The following CDKL4 variants were observed in gnomAD, a reference collection of about 807,000 sequenced individuals.
The protein encoded by CDKL4 is cyclin-dependent kinase-like 4.
In CDKL4, 44 loss-of-function variants were observed where a neutral mutation model predicts 42.0. The observed-to-expected ratio is 1.05, with a 90% confidence interval of 0.82 to 1.35. The LOEUF is 1.35. Among genes scored for constraint, CDKL4 ranks in the 40% most tolerant of loss-of-function variants. CDKL4 has a pLI of 0.00. For synonymous variants in CDKL4, 120 were observed against 121.6 expected (o/e 0.99, Z 0.09); for missense variants, 393 against 369.9 (o/e 1.06, Z -0.51).
At chr2:39,210,584 A>G (rs989274651) in intron 4 of CDKL4, among the ~76,000 whole-genome samples, 12 of 152,228 alleles carry the variant, frequency 7.9e-5, no homozygotes, top group African/African-American at 2.9e-4. Context: ...AGAGATACAA[A>G]GATAAAGCAG....
chr2:39,210,123 T>C (rs1677502656), intron 4 of CDKL4, among the ~76,000 whole-genome samples: 2 of 152,068 alleles, frequency 1.3e-5, no homozygotes, highest in Admixed American at 6.5e-5. Flanking sequence ...GAGTAGTAGC[T>C]GGGATTACAG....
intron 1 of CDKL4, among the ~76,000 whole-genome samples, chr2:39,232,566 A>G (rs922533319): frequency 6.6e-6 from 1 of 152,182 alleles, no homozygotes; most frequent in Non-Finnish European, 1.5e-5. Context: ...GTTATGCCTA[A>G]ATGGCTTGTC....
At chr2:39,223,447 G>A (rs1477068040) in intron 3 of CDKL4, among the ~76,000 whole-genome samples, 1 of 151,878 alleles carries the variant, frequency 6.6e-6, no homozygotes, top group Non-Finnish European at 1.5e-5. Flanking sequence ...GATAAGACTG[G>A]GTATAATAAT....
intron 5 of CDKL4, among the ~76,000 whole-genome samples, chr2:39,193,962 G>A (rs936303248): frequency 6.6e-5 from 10 of 151,986 alleles, no homozygotes; most frequent in African/African-American, 2.2e-4. Flanking sequence ...TGAATGACTG[G>A]GTTCCTCTTA....
intron 4 of CDKL4, among the ~76,000 whole-genome samples, chr2:39,207,384 CA>C (rs879807671): frequency 6.8e-5 from 10 of 147,104 alleles, no homozygotes; most frequent in Admixed American, 4.1e-4. Flanking sequence ...GACCCTGTCT[CA>C]AAAAAAAAAA....
intron 3 of CDKL4, among the ~76,000 whole-genome samples, chr2:39,219,435 T>A (rs142597125): frequency 2.5e-5 from 2 of 80,572 alleles, no homozygotes; most frequent in Non-Finnish European, 6.7e-5. Flanking sequence ...TTATTTATTT[T>A]TTTGAGACAG....
rs554996125 is a variant in CDKL4, at chr2:39,183,196, C to G, written c.792+1395G>C. Among the ~76,000 whole-genome samples the G allele has an allele frequency of 1.9e-4, 29 of 152,162 alleles. 1 individual carries two copies. In the South Asian group the frequency reaches 5.6e-3, roughly 29 times the overall value. On this transcript the variant is annotated intron_variant, in intron 8 of 9. Transcript: ENST00000451199. ...TTGGGAGGCTGAGGCAGGAGAACCA[C>G]TCGAACCTGGTTGGCGGAGGTTACA...
intron 3 of CDKL4, among the ~76,000 whole-genome samples, chr2:39,223,664 G>A (rs563024711): frequency 6.9e-6 from 1 of 144,776 alleles, no homozygotes; most frequent in South Asian, 2.1e-4. Flanking sequence ...CCAGGTTAGA[G>A]TGCAGTGGCA....
chr2:39,214,219 G>A (rs542615041), intron 3 of CDKL4, among the ~76,000 whole-genome samples: 43 of 152,104 alleles, frequency 2.8e-4, no homozygotes, highest in African/African-American at 7.2e-4. Context: ...CACTATGCCC[G>A]GCCAGTATTT....
intron 5 of CDKL4, among the ~76,000 whole-genome samples, chr2:39,194,061 A>G (rs900977608): frequency 6.6e-5 from 10 of 152,192 alleles, no homozygotes; most frequent in African/African-American, 2.4e-4. Context: ...GAGATTCCTA[A>G]AAGTGAAATT....
chr2:39,189,388 C>T (rs1676038575), intron 6 of CDKL4, among the ~76,000 whole-genome samples: 1 of 152,184 alleles, frequency 6.6e-6, no homozygotes, highest in Non-Finnish European at 1.5e-5. Flanking sequence ...GCTCCCTAAG[C>T]CTCTGTTTCC....
At chr2:39,183,674 A>C (rs1438644748) in intron 8 of CDKL4, among the ~76,000 whole-genome samples, 3 of 152,184 alleles carry the variant, frequency 2.0e-5, no homozygotes, top group African/African-American at 7.2e-5. Context: ...CAACCTGTCA[A>C]GAACAAGGTC....
At chr2:39,206,489 T>C (rs1677198552) in intron 4 of CDKL4, among the ~76,000 whole-genome samples, 1 of 152,190 alleles carries the variant, frequency 6.6e-6, no homozygotes, top group African/African-American at 2.4e-5. Context: ...GCTAGGGGCC[T>C]GGGTGAGGGC....
intron 1 of CDKL4, among the ~76,000 whole-genome samples, chr2:39,241,288 G>A (rs780984596): frequency 1.3e-5 from 2 of 152,044 alleles, no homozygotes; most frequent in Non-Finnish European, 2.9e-5. Flanking sequence ...AAAAGAAAAC[G>A]ATAAACAACA....
chr2:39,244,911 G>T (rs1679845219), upstream of CDKL4, among the ~76,000 whole-genome samples: 1 of 152,022 alleles, frequency 6.6e-6, no homozygotes, highest in Non-Finnish European at 1.5e-5. Context: ...GCTCTGGTGG[G>T]GCCTTGGAGA....
chr2:39,201,311 A>AT (rs1470181950), intron 5 of CDKL4, among the ~76,000 whole-genome samples: 3 of 151,518 alleles, frequency 2.0e-5, no homozygotes, highest in Admixed American at 6.6e-5. Context: ...AAATAAAAAA[A>AT]AAAAAACTAC....
At chr2:39,191,077 A>C (rs1156943130) in intron 5 of CDKL4, among the ~76,000 whole-genome samples, 1 of 152,134 alleles carries the variant, frequency 6.6e-6, no homozygotes, top group Non-Finnish European at 1.5e-5. Flanking sequence ...CAAGCACAGG[A>C]ATGCCAACTT....
chr2:39,187,130 G>C (rs975488038), intron 7 of CDKL4, among the ~76,000 whole-genome samples: 1 of 152,064 alleles, frequency 6.6e-6, no homozygotes, highest in African/African-American at 2.4e-5. Flanking sequence ...AGATCTGATG[G>C]TTTTAAAAGT....
the CDKL4 span, among the ~76,000 whole-genome samples, chr2:39,167,996 T>C: frequency 1.3e-5 from 2 of 152,162 alleles, no homozygotes; most frequent in Admixed American, 6.5e-5. Context: ...ATTTCTTTTA[T>C]TAAAATAAGC....
Sources: allele counts gnomAD v4.1 joint callset (sites outside exome capture counted in the v4.1 genomes callset), GRCh38; gene constraint gnomAD v4.1.1; transcripts MANE v1.5; gene names NCBI Gene and HGNC (gene_info 2026-07-23, HGNC 2026-07-21).